The following TENM3 variants were observed in gnomAD, a reference collection of about 807,000 sequenced individuals.
TENM3 encodes teneurin-3.
Under a neutral mutation model 255.1 loss-of-function variants are expected in TENM3, and 63 were observed. The observed-to-expected ratio is 0.25, with a 90% CI of 0.20 to 0.30. The LOEUF (loss-of-function observed/expected upper bound fraction) is 0.30. Ranked by LOEUF, TENM3 falls within the 10% of genes least tolerant of loss-of-function variation. TENM3 has a pLI of 1.00. For synonymous variants in TENM3, 1,306 were observed against 1,322.3 expected (o/e 0.99, Z 0.27); for missense variants, 2,929 against 3,461.1 (o/e 0.85, Z 3.86).
the TENM3 span, among the ~76,000 whole-genome samples, chr4:181,696,962 GA>G: frequency 6.6e-6 from 1 of 152,188 alleles, no homozygotes; most frequent in African/African-American, 2.4e-5. Context: ...GGAAGAACAG[GA>G]AGTTTCAGAA....
chr4:181,447,984 G>A, the TENM3 span, among the ~76,000 whole-genome samples: 1 of 151,742 alleles, frequency 6.6e-6, no homozygotes, highest in African/African-American at 2.4e-5. Context: ...GTCTTTGTGC[G>A]TGTAAGTGTG....
At chr4:182,692,479 C>T (rs17073858) in intron 12 of TENM3, among the ~76,000 whole-genome samples, 1,975 of 152,284 alleles carry the variant, frequency 0.013, 47 homozygotes, top group African/African-American at 0.045. Flanking sequence ...GAGATTGAGA[C>T]CATAGCAGGG....
At chr4:182,200,584 C>T (rs1754125385) in intron 1 of TENM3, among the ~76,000 whole-genome samples, 1 of 152,174 alleles carries the variant, frequency 6.6e-6, no homozygotes, top group Admixed American at 6.5e-5. Context: ...TTATTCTCTA[C>T]AGAAGGATGC....
At chr4:182,254,940 TTG>T (rs1349490098) in intron 1 of TENM3, among the ~76,000 whole-genome samples, 3 of 152,188 alleles carry the variant, frequency 2.0e-5, no homozygotes, top group Non-Finnish European at 4.4e-5. Context: ...GGTTTTGGTG[TTG>T]TGTTTACGAA....
chr4:181,477,674 C>T, the TENM3 span, among the ~76,000 whole-genome samples: 1 of 152,048 alleles, frequency 6.6e-6, no homozygotes, highest in African/African-American at 2.4e-5. Context: ...TTAATCAGGG[C>T]TTGAAATCCT....
At chr4:182,505,367 G>C (rs1312570909) in intron 3 of TENM3, among the ~76,000 whole-genome samples, 1 of 151,830 alleles carries the variant, frequency 6.6e-6, no homozygotes, top group East Asian at 1.9e-4. Context: ...TGCTTACTTT[G>C]GAAGGAAAAT....
chr4:182,263,587 G>A (rs544180297), intron 1 of TENM3, among the ~76,000 whole-genome samples: 1 of 133,644 alleles, frequency 7.5e-6, no homozygotes, highest in African/African-American at 3.9e-5. Flanking sequence ...AGGGACATGG[G>A]CAATTCCCCC....
chr4:182,096,751 A>AATG, the TENM3 span, among the ~76,000 whole-genome samples: 2 of 152,204 alleles, frequency 1.3e-5, no homozygotes, highest in Non-Finnish European at 2.9e-5. Flanking sequence ...TTCAGCTGCC[A>AATG]ATGTGCAGGA....
chr4:181,476,018 G>A, the TENM3 span, among the ~76,000 whole-genome samples: 1 of 152,116 alleles, frequency 6.6e-6, no homozygotes, highest in Non-Finnish European at 1.5e-5. Flanking sequence ...CTGTTCCCTG[G>A]GGAGGGACAT....
the TENM3 span, among the ~76,000 whole-genome samples, chr4:181,866,168 C>T: frequency 6.6e-6 from 1 of 152,068 alleles, no homozygotes; most frequent in Non-Finnish European, 1.5e-5. Context: ...TCAATAGCAC[C>T]CTTAAGTAAT....
chr4:181,547,145 G>T, the TENM3 span, among the ~76,000 whole-genome samples: 1 of 152,060 alleles, frequency 6.6e-6, no homozygotes, highest in African/African-American at 2.4e-5. Context: ...ACAAAATGAG[G>T]AAGTAAAATA....
chr4:182,038,590 C>T, the TENM3 span, among the ~76,000 whole-genome samples: 5 of 152,248 alleles, frequency 3.3e-5, no homozygotes, highest in South Asian at 4.1e-4. Flanking sequence ...GGCACTTCAC[C>T]GAGCCTATGA....
intron 1 of TENM3, among the ~76,000 whole-genome samples, chr4:182,206,545 G>C (rs546784992): frequency 6.6e-6 from 1 of 152,302 alleles, no homozygotes; most frequent in African/African-American, 2.4e-5. Flanking sequence ...TTGAGAATCT[G>C]CTAGCTTTCT....
At chr4:182,589,580 A>G (rs1300885316) in intron 3 of TENM3, among the ~76,000 whole-genome samples, 2 of 151,736 alleles carry the variant, frequency 1.3e-5, no homozygotes, top group Non-Finnish European at 1.5e-5. Flanking sequence ...AGCTGAAGGT[A>G]GATTGTTTCC....
intron 23 of TENM3, among the ~76,000 whole-genome samples, chr4:182,774,629 A>C (rs1247187396): frequency 6.6e-6 from 1 of 152,186 alleles, no homozygotes; most frequent in African/African-American, 2.4e-5. Context: ...CTTAGTGCAC[A>C]TCCCATGGAA....
intron 7 of TENM3, among the ~76,000 whole-genome samples, chr4:182,673,437 G>A (rs1456070271): frequency 2.0e-5 from 3 of 152,152 alleles, no homozygotes; most frequent in Admixed American, 1.3e-4. Flanking sequence ...TGTTTAAAAT[G>A]TACTGAATTT....
At chr4:182,402,212 C>G (rs1769257220) in intron 3 of TENM3, among the ~76,000 whole-genome samples, 1 of 152,100 alleles carries the variant, frequency 6.6e-6, no homozygotes, top group Non-Finnish European at 1.5e-5. Context: ...ATTGGAATAC[C>G]CAAATGCACA....
intron 1 of TENM3, among the ~76,000 whole-genome samples, chr4:182,307,933 C>A (rs992972566): frequency 6.6e-6 from 1 of 152,228 alleles, no homozygotes; most frequent in Non-Finnish European, 1.5e-5. Context: ...CTCTCTGTGC[C>A]TGCTGGAACA....
At chr4:181,618,902 A>T in the TENM3 span, among the ~76,000 whole-genome samples, 2 of 152,170 alleles carry the variant, frequency 1.3e-5, no homozygotes, top group African/African-American at 4.8e-5. Flanking sequence ...TCAGAGCAAA[A>T]CAAGACTGCT....
Sources: allele counts gnomAD v4.1 joint callset (sites outside exome capture counted in the v4.1 genomes callset), GRCh38; gene constraint gnomAD v4.1.1; transcripts MANE v1.5; gene names NCBI Gene and HGNC (gene_info 2026-07-23, HGNC 2026-07-21).